The following NTRK3 variants were observed in gnomAD, a reference collection of about 807,000 sequenced individuals.
NTRK3 encodes the protein neurotrophic receptor tyrosine kinase 3.
A neutral mutation model predicts 91.7 loss-of-function variants in NTRK3; 24 were observed. The observed-to-expected ratio is 0.26, with a 90% CI of 0.19 to 0.37. The LOEUF is 0.37. Among genes scored for constraint, NTRK3 ranks in the 10% least tolerant of loss-of-function variants. The probability of loss-of-function intolerance (pLI) is 1.00; values close to 1 mark genes in which losing one functional copy is unlikely to be tolerated. For missense variants in NTRK3, 880 were observed against 1,068.9 expected (o/e 0.82, Z 2.46); for synonymous variants, 483 against 404.0 (o/e 1.20, Z -2.34).
chr15:88,205,341 G>A (rs766420111), intron 3 of NTRK3, among the ~76,000 whole-genome samples: 6 of 152,130 alleles, frequency 3.9e-5, no homozygotes, highest in Non-Finnish European at 7.3e-5. Context: ...ACTGGCCTAC[G>A]TGGGCCTCGG....
At chr15:88,083,538 C>T (rs948669399) in intron 13 of NTRK3, among the ~76,000 whole-genome samples, 1 of 152,070 alleles carries the variant, frequency 6.6e-6, no homozygotes, top group Non-Finnish European at 1.5e-5. Flanking sequence ...TTTCTAATAG[C>T]GTGTCTGAAC....
At chr15:88,244,941 T>C (rs1023616546) in intron 3 of NTRK3, among the ~76,000 whole-genome samples, 1 of 152,218 alleles carries the variant, frequency 6.6e-6, no homozygotes, top group Non-Finnish European at 1.5e-5. Context: ...TAGATAGAGA[T>C]TTCTGGCATC....
At chr15:87,900,593 T>G (rs1276010565) in intron 17 of NTRK3, among the ~76,000 whole-genome samples, 1 of 152,174 alleles carries the variant, frequency 6.6e-6, no homozygotes, top group East Asian at 1.9e-4. Flanking sequence ...ATGAGCATAA[T>G]TTTCTCATCT....
intron 13 of NTRK3, among the ~76,000 whole-genome samples, chr15:88,065,360 C>T (rs2046561095): frequency 1.3e-5 from 2 of 152,140 alleles, no homozygotes; most frequent in Non-Finnish European, 2.9e-5. Flanking sequence ...CACTTTAAGA[C>T]TAAAGTCAAA....
chr15:87,872,472 A>T (rs1422836934), exon 19 of NTRK3: 1 of 227,472 alleles, frequency 4.4e-6, no homozygotes, highest in Non-Finnish European at 8.7e-6. Flanking sequence ...GTTTTGACCC[A>T]GAGTTGATTT....
intron 5 of NTRK3, among the ~76,000 whole-genome samples, chr15:88,149,280 A>T (rs2043164305): frequency 6.6e-6 from 1 of 152,182 alleles, no homozygotes; most frequent in Non-Finnish European, 1.5e-5. Flanking sequence ...GAGATGGCCC[A>T]TGACTGTGCA....
chr15:87,885,463 G>T (rs2065483017), intron 17 of NTRK3, among the ~76,000 whole-genome samples: 1 of 151,772 alleles, frequency 6.6e-6, no homozygotes, highest in Non-Finnish European at 1.5e-5. Flanking sequence ...ACTTGAAATA[G>T]AACAATACGG....
At chr15:88,112,063 C>T (rs551820565) in intron 13 of NTRK3, among the ~76,000 whole-genome samples, 12 of 152,176 alleles carry the variant, frequency 7.9e-5, no homozygotes, top group South Asian at 2.1e-4. Context: ...CCCGCCACCA[C>T]GCCCAGCTAA....
At chr15:88,195,002 A>G (rs2047696609) in intron 3 of NTRK3, among the ~76,000 whole-genome samples, 1 of 152,166 alleles carries the variant, frequency 6.6e-6, no homozygotes, top group South Asian at 2.1e-4. Context: ...CTTCCTCTAG[A>G]TCAATAGTGC....
At chr15:87,891,009 C>T (rs1214325518) in intron 17 of NTRK3, among the ~76,000 whole-genome samples, 1 of 152,156 alleles carries the variant, frequency 6.6e-6, no homozygotes, top group Non-Finnish European at 1.5e-5. Context: ...AGAGCTTTTA[C>T]TTCTTTAATT....
intron 14 of NTRK3, among the ~76,000 whole-genome samples, chr15:88,029,095 G>A (rs1196682312): frequency 1.3e-5 from 2 of 152,216 alleles, no homozygotes; most frequent in Non-Finnish European, 2.9e-5. Flanking sequence ...GTGTGACCAG[G>A]AGGGCTGTAT....
intron 5 of NTRK3, among the ~76,000 whole-genome samples, chr15:88,150,265 C>A (rs564858985): frequency 6.6e-6 from 1 of 152,216 alleles, no homozygotes; most frequent in African/African-American, 2.4e-5. Flanking sequence ...TGCCAGGAGT[C>A]CTGGGGAACC....
intron 13 of NTRK3, among the ~76,000 whole-genome samples, chr15:88,081,924 C>T (rs80186445): frequency 0.03 from 4,644 of 152,272 alleles, 224 homozygotes; most frequent in African/African-American, 0.1. Flanking sequence ...CCCTGCTTTG[C>T]TTTTTCTTTC....
At chr15:87,962,437 G>A (rs1401969736) in intron 14 of NTRK3, among the ~76,000 whole-genome samples, 1 of 152,226 alleles carries the variant, frequency 6.6e-6, no homozygotes, top group Non-Finnish European at 1.5e-5. Context: ...GAGAGGTGTT[G>A]AAGCCACAGC....
chr15:88,157,570 C>T (rs117438939), intron 5 of NTRK3, among the ~76,000 whole-genome samples: 1 of 152,056 alleles, frequency 6.6e-6, no homozygotes, highest in East Asian at 1.9e-4. Flanking sequence ...CTCCAGTAGG[C>T]ATGCTTTTCT....
At chr15:88,159,993 CAT>C (rs2044296481) in intron 5 of NTRK3, among the ~76,000 whole-genome samples, 1 of 143,534 alleles carries the variant, frequency 7.0e-6, no homozygotes, top group Non-Finnish European at 1.5e-5. Context: ...CACACACACA[CAT>C]TGCTTGAACT....
intron 5 of NTRK3, among the ~76,000 whole-genome samples, chr15:88,182,283 G>C (rs1467391097): frequency 1.3e-5 from 2 of 152,046 alleles, no homozygotes; most frequent in East Asian, 3.9e-4. Flanking sequence ...AAAGAGCCTG[G>C]GGGTAAGGTC....
chr15:87,878,503 A>G (rs747571197), intron 18 of NTRK3, among the ~76,000 whole-genome samples: 12 of 152,024 alleles, frequency 7.9e-5, no homozygotes, highest in Non-Finnish European at 1.6e-4. Flanking sequence ...CATATTAGAG[A>G]CCCATTTCCA....
chr15:88,034,731 C>A (rs901583073), intron 13 of NTRK3, among the ~76,000 whole-genome samples: 19 of 152,150 alleles, frequency 1.2e-4, no homozygotes, highest in African/African-American at 4.6e-4. Flanking sequence ...AATGGAGGAC[C>A]CTGAATTCCA....
Sources: gnomAD v4.1 joint callset for allele counts (sites outside exome capture counted in the v4.1 genomes callset) on GRCh38, gnomAD v4.1.1 for gene constraint, MANE v1.5 for transcripts, NCBI Gene and HGNC (gene_info 2026-07-23, HGNC 2026-07-21) for gene names.